The following NFU1 variants were observed in gnomAD, a reference collection of about 807,000 sequenced individuals.
The protein encoded by NFU1 is NFU1 iron-sulfur cluster scaffold.
Under a neutral mutation model 32.2 loss-of-function variants are expected in NFU1, and 30 were observed. That is an observed-to-expected ratio of 0.93 (90% CI 0.70 to 1.26). The LOEUF is 1.26. Ranked by LOEUF, NFU1 falls within the 50% of genes most tolerant of loss-of-function variation. The pLI is 0.00. For missense variants in NFU1, 306 were observed against 306.6 expected (o/e 1.00, Z 0.02); for synonymous variants, 112 against 104.6 (o/e 1.07, Z -0.43).
At chr2:69,414,019 C>G (rs903885547) in intron 5 of NFU1, among the ~76,000 whole-genome samples, 3 of 152,108 alleles carry the variant, frequency 2.0e-5, no homozygotes, top group African/African-American at 7.2e-5. Flanking sequence ...TGCACTCCAG[C>G]CTGGGCAACA....
intron 5 of NFU1, among the ~76,000 whole-genome samples, chr2:69,407,258 G>A (rs1435918010): frequency 1.3e-5 from 2 of 152,058 alleles, no homozygotes; most frequent in Non-Finnish European, 2.9e-5. Flanking sequence ...CCTCTGAAAT[G>A]TTCTACAAAT....
intron 5 of NFU1, among the ~76,000 whole-genome samples, 181 bp downstream of exon 5, chr2:69,415,003 TG>T (rs1673005475): frequency 6.6e-6 from 1 of 152,184 alleles, no homozygotes; most frequent in African/African-American, 2.4e-5. Context: ...TGAAAATTTT[TG>T]TTTTATAGAG....
At chr2:69,397,251 A>G (rs971983810) in intron 7 of NFU1, among the ~76,000 whole-genome samples, 1 of 152,186 alleles carries the variant, frequency 6.6e-6, no homozygotes, top group Non-Finnish European at 1.5e-5. Flanking sequence ...TGAAAAACAA[A>G]ACAAAACAAA....
At chr2:69,395,958 G>C (rs1043382509), downstream of NFU1, 1 of 285,054 alleles carries the variant, frequency 3.5e-6, no homozygotes, top group Non-Finnish European at 6.4e-6. Flanking sequence ...AAATAAATTA[G>C]ATGGGGGGAA....
chr2:69,423,827 AAAACCC>A, intron 2 of NFU1, 110 bp from the exon 3 acceptor site: 2 of 809,668 alleles, frequency 2.5e-6, no homozygotes, highest in East Asian at 5.3e-5. Context: ...AAACTGGGGA[AAAACCC>A]AAGGCTTTAT....
intron 1 of NFU1, among the ~76,000 whole-genome samples, chr2:69,435,039 T>A (rs973090575): frequency 2.6e-5 from 4 of 151,988 alleles, no homozygotes; most frequent in Admixed American, 2.6e-4. Context: ...TCTGCAGGAG[T>A]AATTGGGGAA....
chr2:69,429,336 G>T (rs1388708058), intron 2 of NFU1, among the ~76,000 whole-genome samples: 1 of 152,130 alleles, frequency 6.6e-6, no homozygotes, highest in East Asian at 1.9e-4. Context: ...GGCCAAGGCA[G>T]GAGGATCACT....
chr2:69,439,567 C>T (rs773757452), upstream of NFU1, among the ~76,000 whole-genome samples: 2 of 152,218 alleles, frequency 1.3e-5, no homozygotes, highest in Non-Finnish European at 2.9e-5. Context: ...AGCAGGTTGC[C>T]ACTGCTGCCT....
At chr2:69,439,464 C>T (rs1673990341), upstream of NFU1, among the ~76,000 whole-genome samples, 1 of 152,170 alleles carries the variant, frequency 6.6e-6, no homozygotes, top group Non-Finnish European at 1.5e-5. Flanking sequence ...TGTTACAGTT[C>T]ATAAAGACAG....
chr2:69,409,948 T>C lies in NFU1; in HGVS notation c.485-3866A>G, dbSNP rs142015851. On this transcript the variant is annotated intron_variant, in intron 5 of 7. Transcript: ENST00000410022. The stretch of plus-strand genomic sequence containing the variant: ...GTGTATATATGTGTATATGCACATA[T>C]AAACGTTCGGTTTTTGTAGTCAATG... 1.1e-3 allele frequency among the ~76,000 whole-genome samples: 164 copies of C among 152,310 alleles called. 1 individual carries two copies. The highest frequency in any genetic ancestry group is 3.8e-3 in the African/African-American group (158 of 41,576).
intron 1 of NFU1, among the ~76,000 whole-genome samples, chr2:69,436,590 A>C (rs1481762562): frequency 6.6e-6 from 1 of 152,206 alleles, no homozygotes; most frequent in Non-Finnish European, 1.5e-5. Context: ...ACTAACAAAA[A>C]ATTCTACCAA....
At chr2:69,403,861 T>A (rs1187800749) in intron 6 of NFU1, among the ~76,000 whole-genome samples, 1 of 151,320 alleles carries the variant, frequency 6.6e-6, no homozygotes, top group Non-Finnish European at 1.5e-5. Context: ...TTTTTTGAGA[T>A]AGAGTCTCAC....
In NFU1 at chr2:69,397,307, T is replaced by A. The variant is rs139153443; in HGVS notation, c.721-1017A>T. Among the ~76,000 whole-genome samples, 3 of 152,304 alleles carry A rather than the reference T, an allele frequency of 2.0e-5. No homozygotes were observed. The East Asian group carries it at 5.8e-4, about 29-fold the overall frequency. ...ACTAATTATTTTAGTCTTACTGAGATAAAAGATCATTTTAAGCCTCAGGAA... is the reference window on the plus strand; with the variant it reads ...ACTAATTATTTTAGTCTTACTGAGAAAAAAGATCATTTTAAGCCTCAGGAA... On this transcript the variant is annotated intron_variant, in intron 7 of 7. Transcript: ENST00000410022.
chr2:69,431,018 TAC>T (rs1353449267), intron 2 of NFU1, among the ~76,000 whole-genome samples: 3 of 152,332 alleles, frequency 2.0e-5, no homozygotes, highest in Admixed American at 6.5e-5. Context: ...AACTCTACAT[TAC>T]AGTCATCACA....
At chr2:69,400,279 C>A in intron 7 of NFU1, 85 bp downstream of exon 7, 1 of 1,231,758 alleles carries the variant, frequency 8.1e-7, no homozygotes, top group Non-Finnish European at 1.2e-6. Flanking sequence ...CAAATACTTG[C>A]CTTAACATCT....
At chr2:69,422,378 G>T (rs1378303120) in intron 3 of NFU1, among the ~76,000 whole-genome samples, 6 of 152,306 alleles carry the variant, frequency 3.9e-5, no homozygotes, top group Admixed American at 3.3e-4. Context: ...TGAAACCACA[G>T]ATAAGGGGGG....
intron 2 of NFU1, among the ~76,000 whole-genome samples, chr2:69,429,196 T>C (rs1160978857): frequency 6.6e-6 from 1 of 152,200 alleles, no homozygotes; most frequent in Non-Finnish European, 1.5e-5. Flanking sequence ...AACCAATCAT[T>C]TCTTGCAGCT....
At chr2:69,424,217 A>C (rs545121606) in intron 2 of NFU1, among the ~76,000 whole-genome samples, 50 of 130,500 alleles carry the variant, frequency 3.8e-4, no homozygotes, top group African/African-American at 1.4e-3. Context: ...ATATATATAT[A>C]TATCTCAATA....
intron 3 of NFU1, among the ~76,000 whole-genome samples, chr2:69,420,668 G>A (rs1412403234): frequency 1.3e-5 from 2 of 152,088 alleles, no homozygotes; most frequent in South Asian, 2.1e-4. Context: ...ATCCCTGCAC[G>A]TATCTTGGGC....
Sources: allele counts gnomAD v4.1 joint callset (sites outside exome capture counted in the v4.1 genomes callset), GRCh38; gene constraint gnomAD v4.1.1; transcripts MANE v1.5; gene names NCBI Gene and HGNC (gene_info 2026-07-23, HGNC 2026-07-21).